The following MAPRE2 variants were observed in gnomAD, a reference collection of about 807,000 sequenced individuals.
MAPRE2 encodes microtubule-associated protein RP/EB family member 2.
A neutral mutation model predicts 43.2 loss-of-function variants in MAPRE2; 13 were observed. That is an observed-to-expected ratio of 0.30 (90% CI 0.20 to 0.48). The LOEUF (loss-of-function observed/expected upper bound fraction) is 0.48, where lower values mean the gene tolerates loss of function less well. Among genes scored for constraint, MAPRE2 ranks in the 20% least tolerant of loss-of-function variants. The pLI is 0.99. For synonymous variants in MAPRE2, 135 were observed against 148.8 expected (o/e 0.91, Z 0.68); for missense variants, 161 against 400.2 (o/e 0.40, Z 5.10).
At chr18:35,000,129 A>G (rs1407558039) in intron 1 of MAPRE2, among the ~76,000 whole-genome samples, 2 of 152,164 alleles carry the variant, frequency 1.3e-5, no homozygotes, top group Non-Finnish European at 2.9e-5. Context: ...CAAAGTGGCC[A>G]TGGGGAGTTT....
At chr18:35,014,947 G>T (rs75812206) in intron 2 of MAPRE2, among the ~76,000 whole-genome samples, 2,780 of 152,068 alleles carry the variant, frequency 0.018, 99 homozygotes, top group African/African-American at 0.063. Context: ...AGTCATTTTT[G>T]CTAGCCAAAA....
chr18:34,992,573 G>C (rs2097024355), intron 1 of MAPRE2, among the ~76,000 whole-genome samples: 1 of 152,112 alleles, frequency 6.6e-6, no homozygotes, highest in Non-Finnish European at 1.5e-5. Context: ...GCTGTGAAAG[G>C]TGTTTGTTAA....
At chr18:35,092,720 A>G (rs569422789) in intron 2 of MAPRE2, among the ~76,000 whole-genome samples, 4 of 152,322 alleles carry the variant, frequency 2.6e-5, no homozygotes, top group Admixed American at 2.0e-4. Context: ...TCATCTGGCA[A>G]GGGGCTAATA....
At chr18:35,041,383 G>A (rs976642676), upstream of MAPRE2, 15 of 1,479,704 alleles carry the variant, frequency 1.0e-5, no homozygotes, top group African/African-American at 1.8e-4. Flanking sequence ...GGGCGGGGCC[G>A]CAGGAGGGCG....
At chr18:35,041,911 C>T in intron 1 of MAPRE2, 1 of 801,384 alleles carries the variant, frequency 1.2e-6, no homozygotes, top group Non-Finnish European at 1.8e-6. Context: ...CCATCTCTTT[C>T]CTTCCACACT....
Position 34,996,198 on chromosome 18 carries a change from A to T in MAPRE2, c.-69-9294A>T, listed in dbSNP as rs2097026425. On this transcript the variant is annotated intron_variant, in intron 1 of 7. Transcript: ENST00000413393. ...CCTGTGATATGATTATTTTGTGTTT[A>T]TTACCTCGGCGGTCCTAAACCTTTT... 2.0e-5 allele frequency among the ~76,000 whole-genome samples: 3 copies of T among 152,202 alleles called. No homozygotes were observed. The South Asian group carries it at 6.2e-4, about 32-fold the overall frequency.
intron 1 of MAPRE2, among the ~76,000 whole-genome samples, chr18:35,049,005 A>G (rs1175824673): frequency 6.6e-6 from 1 of 152,136 alleles, no homozygotes; most frequent in African/African-American, 2.4e-5. Flanking sequence ...CACACTTTAG[A>G]TTTCTGTGAT....
chr18:34,989,061 C>T (rs1193961743), intron 1 of MAPRE2, among the ~76,000 whole-genome samples: 1 of 152,132 alleles, frequency 6.6e-6, no homozygotes, highest in Non-Finnish European at 1.5e-5. Context: ...ACTACTAGCA[C>T]ACAAAGGAGA....
At chr18:35,029,325 C>T (rs762250085) in intron 2 of MAPRE2, among the ~76,000 whole-genome samples, 8 of 152,330 alleles carry the variant, frequency 5.3e-5, no homozygotes, top group Non-Finnish European at 1.2e-4. Context: ...TCCCTTGACA[C>T]GCTGTCGAGG....
In MAPRE2 at chr18:35,140,280, CT is replaced by C. The variant is rs1910571861; in HGVS notation, c.910-14del. On this transcript the variant is annotated splice_polypyrimidine_tract_variant and intron_variant, in intron 6 of 6. Transcript: ENST00000300249. ...CAGTCAATTATCTCAGCTGAAACTTCTCCCCTGCCCACAGGAGGGCCACACA... is the reference window on the plus strand; with the variant it reads ...CAGTCAATTATCTCAGCTGAAACTTCCCCCTGCCCACAGGAGGGCCACACA... 1 of 1,611,690 alleles carries C rather than the reference CT, an allele frequency of 6.2e-7. No homozygotes were observed. The highest frequency in any genetic ancestry group is 1.7e-5 in the Admixed American group (1 of 59,868).
intron 5 of MAPRE2, among the ~76,000 whole-genome samples, chr18:35,130,154 G>C (rs1021009573): frequency 1.3e-5 from 2 of 152,210 alleles, no homozygotes; most frequent in South Asian, 2.1e-4. Flanking sequence ...GGGGGCTGGG[G>C]GGGGGTGGCA....
At chr18:35,103,483 G>A (rs895724543) in intron 4 of MAPRE2, among the ~76,000 whole-genome samples, 9 of 152,138 alleles carry the variant, frequency 5.9e-5, no homozygotes, top group Non-Finnish European at 1.0e-4. Flanking sequence ...AGATTCTTTT[G>A]TGACATTTAA....
chr18:35,076,793 T>C (rs565429704), intron 2 of MAPRE2, among the ~76,000 whole-genome samples: 1 of 152,336 alleles, frequency 6.6e-6, no homozygotes, highest in East Asian at 1.9e-4. Context: ...CAGGAAACCA[T>C]AGAATTGGCC....
At chr18:35,107,558 A>G (rs1908964328) in intron 4 of MAPRE2, among the ~76,000 whole-genome samples, 1 of 152,146 alleles carries the variant, frequency 6.6e-6, no homozygotes, top group Non-Finnish European at 1.5e-5. Context: ...TTTTAAGAGA[A>G]GCAGTAAAAA....
chr18:35,132,067 A>G lies in MAPRE2; in HGVS notation c.786A>G (p.Glu262=). The G allele has an allele frequency of 6.2e-7, 1 of 1,614,200 alleles. No individual in the cohort carries two copies. Among genetic ancestry groups the G allele is most frequent in the South Asian group, 1.1e-5 (1 of 91,088 alleles). ...TAAAACTTGCCCTTGAAGGCGTGGA[A>G]AAGGAAAGGGATTTCTACTTTGGGA... ...HSLKLALEGV[E]KERDFYFGKL... The change falls in exon 6 of 7, where the codon GAA becomes GAG. Residue 262 remains glutamate, a synonymous_variant. Coordinates refer to ENST00000300249, the MANE Select transcript of MAPRE2 (RefSeq NM_014268.4).
rs144832944 is a variant in MAPRE2 at position 35,086,854 on chromosome 18, C to T, written c.251-10592C>T. On this transcript the variant is annotated intron_variant, in intron 2 of 6. Transcript: ENST00000300249. ...AGAATGTTTAAAATACATATGAAAA[C>T]GCTAACAGATTTTACCCAAATGTGG... is the stretch of plus-strand genomic sequence containing the variant. Among the ~76,000 whole-genome samples the T allele has an allele frequency of 5.5e-3, 831 of 152,152 alleles. 2 individuals are homozygous for T. The highest frequency in any genetic ancestry group is 8.7e-3 in the Non-Finnish European group (590 of 67,982).
intron 2 of MAPRE2, among the ~76,000 whole-genome samples, chr18:35,035,926 T>A (rs937476119): frequency 1.4e-5 from 2 of 141,196 alleles, no homozygotes; most frequent in Non-Finnish European, 3.0e-5. Context: ...ATAATATGTG[T>A]CTCCAAGTCA....
chr18:35,043,766 G>C (rs1905482599), intron 1 of MAPRE2, among the ~76,000 whole-genome samples: 2 of 152,184 alleles, frequency 1.3e-5, no homozygotes, highest in South Asian at 4.1e-4. Flanking sequence ...AATTGCATTT[G>C]TCTTGTGTTA....
chr18:35,038,353 CCTT>C (rs1210817739), upstream of MAPRE2, among the ~76,000 whole-genome samples: 23 of 152,238 alleles, frequency 1.5e-4, no homozygotes, highest in Non-Finnish European at 2.9e-4. Context: ...CCAACCCTCT[CCTT>C]AACCATACTA....
Sources: gnomAD v4.1 joint callset for allele counts (sites outside exome capture counted in the v4.1 genomes callset) on GRCh38, gnomAD v4.1.1 for gene constraint, MANE v1.5 for transcripts, NCBI Gene and HGNC (gene_info 2026-07-23, HGNC 2026-07-21) for gene names.